The following AK5 variants were observed in gnomAD, a reference collection of about 807,000 sequenced individuals.
The protein encoded by AK5 is adenylate kinase isoenzyme 5.
AK5 carries 27 observed loss-of-function variants against 69.5 expected under a neutral mutation model. That is an observed-to-expected ratio of 0.39 (90% CI 0.29 to 0.54). AK5 has a LOEUF of 0.54. Among genes scored for constraint, AK5 ranks in the 20% least tolerant of loss-of-function variants. The pLI, the probability that AK5 is intolerant of heterozygous loss-of-function variation, is 0.71. For synonymous variants in AK5, 260 were observed against 244.4 expected (o/e 1.06, Z -0.60); for missense variants, 531 against 700.4 (o/e 0.76, Z 2.73).
Position 77,282,079 on chromosome 1 carries a change from C to A in AK5, c.-235C>A. ...GCACAGCTGCTCGGCGCCTGCAGCT[C>A]CGGCTCGGGGGCTGGAACCGAAGCG... On this transcript the variant is annotated 5_prime_UTR_variant, in exon 1 of 14. Coordinates refer to ENST00000354567, the MANE Select transcript of AK5 (RefSeq NM_174858.3). 2.5e-6 allele frequency: 1 copy of A among 393,420 alleles called. No homozygotes were observed. Among genetic ancestry groups the A allele is most frequent in the Non-Finnish European group, 4.5e-6 (1 of 221,418 alleles). 24.4% of individuals were successfully genotyped at this position (393,420 alleles called of 1,614,324 possible). A position where few individuals can be genotyped will look rare whatever the true frequency, so the allele number is the denominator to read the frequency against.
At chr1:77,538,381 A>C (rs1659088829) in intron 13 of AK5, among the ~76,000 whole-genome samples, 1 of 151,746 alleles carries the variant, frequency 6.6e-6, no homozygotes, top group African/African-American at 2.4e-5. Flanking sequence ...AACATAAACA[A>C]AAGTGTTTTT....
At chr1:77,458,121 AAG>A (rs2100670333) in intron 8 of AK5, among the ~76,000 whole-genome samples, 2 of 148,390 alleles carry the variant, frequency 1.3e-5, no homozygotes, top group African/African-American at 4.9e-5. Context: ...AAAAAAAAAA[AAG>A]GGCAAAACAA....
chr1:77,449,983 G>T (rs1352638540), intron 8 of AK5, among the ~76,000 whole-genome samples: 2 of 152,118 alleles, frequency 1.3e-5, no homozygotes, highest in Non-Finnish European at 2.9e-5. Flanking sequence ...CATCTTGAAT[G>T]CTTTGCTGCT....
chr1:77,531,675 C>T (rs1470803996), intron 12 of AK5, among the ~76,000 whole-genome samples: 1 of 152,212 alleles, frequency 6.6e-6, no homozygotes, highest in Non-Finnish European at 1.5e-5. Context: ...CAAGTCCCCA[C>T]CAGACTCAGG....
intron 6 of AK5, among the ~76,000 whole-genome samples, chr1:77,406,528 GT>G (rs950992337): frequency 2.0e-5 from 3 of 152,102 alleles, no homozygotes; most frequent in African/African-American, 4.8e-5. Flanking sequence ...ATGATATCCT[GT>G]TTTTTCCCCC....
At chr1:77,496,862 A>T (rs981679527) in intron 10 of AK5, among the ~76,000 whole-genome samples, 1 of 152,178 alleles carries the variant, frequency 6.6e-6, no homozygotes, top group African/African-American at 2.4e-5. Context: ...TGTAAAATGG[A>T]CCAATCAGCA....
intron 6 of AK5, among the ~76,000 whole-genome samples, chr1:77,367,823 A>ATATATTATATGTTATATATATTC (rs1375836379): frequency 2.9e-5 from 1 of 34,402 alleles, no homozygotes; most frequent in African/African-American, 1.0e-4. Flanking sequence ...TATATATATT[A>ATATATTATATGTTATATATATTC]TATATAATAT....
At position 77,535,936 on chromosome 1, in the gene AK5, T is replaced by A. The variant is rs758412537; in HGVS notation, c.1518T>A (p.Pro506=). The A allele has an allele frequency of 1.5e-5, 24 of 1,613,986 alleles. No individual in the cohort carries two copies. The highest frequency in any genetic ancestry group is 1.6e-4 in the Middle Eastern group (1 of 6,062). ...TCCAAAGGAGCCGGAGCAGCCTGCCTGTGGACGACACCACCAAGACCATCG... is the reference window on the plus strand; with the variant it reads ...TCCAAAGGAGCCGGAGCAGCCTGCCAGTGGACGACACCACCAAGACCATCG... ...RLLQRSRSSL[P]VDDTTKTIAK... Residue 506 remains proline, a synonymous_variant, in exon 13 of 14, where the codon CCT becomes CCA. Coordinates refer to ENST00000354567, the MANE Select transcript of AK5 (RefSeq NM_174858.3).
At chr1:77,323,828 T>TA (rs1461774776) in intron 5 of AK5, among the ~76,000 whole-genome samples, 1 of 152,064 alleles carries the variant, frequency 6.6e-6, no homozygotes, top group Non-Finnish European at 1.5e-5. Context: ...GAGAAAGAAA[T>TA]AGAGGAGAGA....
intron 12 of AK5, 91 bp downstream of exon 12, chr1:77,522,034 T>G (rs1658018902): frequency 2.0e-6 from 2 of 1,014,812 alleles, no homozygotes; most frequent in African/African-American, 3.3e-5. Context: ...CTTTCCCAAT[T>G]ACATTAATGA....
At chr1:77,402,819 G>A (rs1183087780) in intron 6 of AK5, among the ~76,000 whole-genome samples, 5 of 152,120 alleles carry the variant, frequency 3.3e-5, no homozygotes, top group Non-Finnish European at 5.9e-5. Flanking sequence ...CCAGTAATGG[G>A]ATGGCTGGGT....
chr1:77,496,045 T>C (rs1656295006), intron 10 of AK5, among the ~76,000 whole-genome samples: 1 of 152,188 alleles, frequency 6.6e-6, no homozygotes, highest in South Asian at 2.1e-4. Context: ...GGAGCTCATG[T>C]TGTAGGGAGG....
At chr1:77,457,667 G>C (rs1255532832) in intron 8 of AK5, among the ~76,000 whole-genome samples, 1 of 151,898 alleles carries the variant, frequency 6.6e-6, no homozygotes, top group African/African-American at 2.4e-5. Context: ...TTTGTCTGTT[G>C]CATTATTTTT....
chr1:77,408,365 G>C (rs1041974803), intron 6 of AK5, among the ~76,000 whole-genome samples: 8 of 152,170 alleles, frequency 5.3e-5, no homozygotes, highest in African/African-American at 1.7e-4. Context: ...GTTTTGATTT[G>C]CATTTCTCTG....
At chr1:77,306,704 A>C (rs1659663972) in intron 5 of AK5, among the ~76,000 whole-genome samples, 2 of 152,042 alleles carry the variant, frequency 1.3e-5, no homozygotes, top group African/African-American at 4.8e-5. Flanking sequence ...GTTTGGTAGA[A>C]TTCAACAGTG....
chr1:77,534,055 A>G (rs1195459295), intron 12 of AK5, among the ~76,000 whole-genome samples: 1 of 152,010 alleles, frequency 6.6e-6, no homozygotes, highest in Non-Finnish European at 1.5e-5. Context: ...CTGTTCCTTA[A>G]AGTACACCCC....
chr1:77,410,501 A>C (rs1195317775), intron 6 of AK5, among the ~76,000 whole-genome samples: 1 of 152,082 alleles, frequency 6.6e-6, no homozygotes, highest in African/African-American at 2.4e-5. Flanking sequence ...GCTGGTCTCA[A>C]ACTCCTGGCC....
intron 5 of AK5, among the ~76,000 whole-genome samples, chr1:77,321,624 A>G (rs973419905): frequency 6.6e-6 from 1 of 152,242 alleles, no homozygotes; most frequent in African/African-American, 2.4e-5. Flanking sequence ...GGGAGCATCT[A>G]CAAAAACCTA....
intron 8 of AK5, among the ~76,000 whole-genome samples, chr1:77,470,341 C>CA (rs1458030070): frequency 2.0e-5 from 3 of 151,984 alleles, no homozygotes; most frequent in African/African-American, 7.3e-5. Flanking sequence ...CCTGTCTCCA[C>CA]AAAAAATACA....
Sources: gnomAD v4.1 joint callset for allele counts (sites outside exome capture counted in the v4.1 genomes callset) on GRCh38, gnomAD v4.1.1 for gene constraint, MANE v1.5 for transcripts, NCBI Gene and HGNC (gene_info 2026-07-23, HGNC 2026-07-21) for gene names.